The following LRRTM4 variants were observed in gnomAD, a reference collection of about 807,000 sequenced individuals.
LRRTM4 encodes leucine rich repeat transmembrane neuronal 4, also known as leucine-rich repeat transmembrane neuronal protein 4.
In LRRTM4, 25 loss-of-function variants were observed where a neutral mutation model predicts 47.6. That is an observed-to-expected ratio of 0.53 (90% confidence interval 0.38 to 0.73). The LOEUF (loss-of-function observed/expected upper bound fraction) is 0.73, where lower values mean the gene tolerates loss of function less well. Ranked by LOEUF, LRRTM4 falls within the 30% of genes least tolerant of loss-of-function variation. The probability of loss-of-function intolerance (pLI) is 0.00; values close to 1 mark genes in which losing one functional copy is unlikely to be tolerated. For synonymous variants in LRRTM4, 311 were observed against 269.5 expected (o/e 1.15, Z -1.51); for missense variants, 638 against 713.4 (o/e 0.89, Z 1.20).
chr2:77,360,616 A>T (rs1453000841), intron 3 of LRRTM4, among the ~76,000 whole-genome samples: 1 of 152,096 alleles, frequency 6.6e-6, no homozygotes, highest in Non-Finnish European at 1.5e-5. Context: ...ATTTGTGGAT[A>T]ATGAACTAGC....
chr2:76,866,691 AG>A (rs1672478650), intron 3 of LRRTM4, among the ~76,000 whole-genome samples: 1 of 152,184 alleles, frequency 6.6e-6, no homozygotes, highest in Non-Finnish European at 1.5e-5. Context: ...CTGAAAAACA[AG>A]CATTAGGTTT....
At chr2:76,937,961 G>A (rs1675014538) in intron 3 of LRRTM4, among the ~76,000 whole-genome samples, 1 of 151,942 alleles carries the variant, frequency 6.6e-6, no homozygotes, top group East Asian at 1.9e-4. Context: ...AGGAGCTAAG[G>A]GGAATATAAT....
chr2:77,083,994 A>T (rs761606705), intron 3 of LRRTM4, among the ~76,000 whole-genome samples: 10 of 150,888 alleles, frequency 6.6e-5, no homozygotes, highest in Non-Finnish European at 1.3e-4. Context: ...TTTAGTAGAG[A>T]CGGGGTTTCA....
At chr2:77,178,373 G>A (rs554614677) in intron 3 of LRRTM4, among the ~76,000 whole-genome samples, 20 of 152,220 alleles carry the variant, frequency 1.3e-4, no homozygotes, top group African/African-American at 4.3e-4. Flanking sequence ...AGGTCACGAG[G>A]TCAGGAGTTC....
chr2:77,318,264 C>T (rs1677677843), intron 3 of LRRTM4, among the ~76,000 whole-genome samples: 1 of 152,164 alleles, frequency 6.6e-6, no homozygotes, highest in Admixed American at 6.5e-5. Context: ...CCTTGGCCTC[C>T]CAAAGTGTTG....
chr2:77,035,610 A>T (rs958098874), intron 3 of LRRTM4, among the ~76,000 whole-genome samples: 3 of 151,950 alleles, frequency 2.0e-5, no homozygotes, highest in Non-Finnish European at 4.4e-5. Flanking sequence ...TTGTTATTTC[A>T]ATAATTTTAT....
chr2:77,511,948 T>C (rs1679029443), intron 3 of LRRTM4, among the ~76,000 whole-genome samples: 1 of 152,098 alleles, frequency 6.6e-6, no homozygotes, highest in Admixed American at 6.6e-5. Flanking sequence ...CTTTCATATA[T>C]TTTTATTTGT....
intron 3 of LRRTM4, among the ~76,000 whole-genome samples, chr2:76,770,296 C>A (rs1291613215): frequency 6.6e-6 from 1 of 152,144 alleles, no homozygotes; most frequent in Non-Finnish European, 1.5e-5. Context: ...AATATTAGCT[C>A]CTTCGGTAAA....
At chr2:76,811,112 C>T (rs1243018765) in intron 3 of LRRTM4, among the ~76,000 whole-genome samples, 1 of 152,124 alleles carries the variant, frequency 6.6e-6, no homozygotes, top group Non-Finnish European at 1.5e-5. Flanking sequence ...CTTTAGCCTC[C>T]TCCTTACCTT....
chr2:76,999,777 A>G (rs1677347706), intron 3 of LRRTM4, among the ~76,000 whole-genome samples: 1 of 152,044 alleles, frequency 6.6e-6, no homozygotes, highest in South Asian at 2.1e-4. Flanking sequence ...GTCTGTACCT[A>G]TTTTCCACTT....
intron 3 of LRRTM4, among the ~76,000 whole-genome samples, chr2:76,782,417 C>G (rs1674449050): frequency 6.6e-6 from 1 of 152,080 alleles, no homozygotes; most frequent in Non-Finnish European, 1.5e-5. Flanking sequence ...TTTGGGGTCC[C>G]ATGATGTTAT....
chr2:77,490,974 A>G (rs1354768591), intron 3 of LRRTM4, among the ~76,000 whole-genome samples: 1 of 152,160 alleles, frequency 6.6e-6, no homozygotes, highest in Non-Finnish European at 1.5e-5. Flanking sequence ...TTCATATAAT[A>G]AGGTAAAACT....
At chr2:77,130,553 C>A (rs1488727966) in intron 3 of LRRTM4, among the ~76,000 whole-genome samples, 1 of 151,774 alleles carries the variant, frequency 6.6e-6, no homozygotes, top group African/African-American at 2.4e-5. Flanking sequence ...GCTCTGTTGC[C>A]CAGGCTGGAG....
chr2:77,079,691 C>T (rs139352461), intron 3 of LRRTM4, among the ~76,000 whole-genome samples: 191 of 152,226 alleles, frequency 1.3e-3, no homozygotes, highest in African/African-American at 4.5e-3. Flanking sequence ...AAAAGGTATT[C>T]TGATTCCTGA....
intron 3 of LRRTM4, among the ~76,000 whole-genome samples, chr2:76,877,310 C>CA (rs920186651): frequency 2.0e-4 from 30 of 152,062 alleles, no homozygotes; most frequent in African/African-American, 7.2e-4. Flanking sequence ...AATTTAAAAA[C>CA]AAGAGTATAT....
intron 3 of LRRTM4, among the ~76,000 whole-genome samples, chr2:77,477,917 AAGAAAG>A (rs1180734971): frequency 1.2e-5 from 1 of 81,550 alleles, no homozygotes; most frequent in African/African-American, 4.8e-5. Context: ...GAAAGAAAGA[AAGAAAG>A]AAAGAAAGAA....
chr2:77,345,880 A>T (rs1671542631), intron 3 of LRRTM4, among the ~76,000 whole-genome samples: 1 of 151,750 alleles, frequency 6.6e-6, no homozygotes, highest in African/African-American at 2.4e-5. Context: ...TCAAAGAAAA[A>T]ATATATATAT....
chr2:77,189,842 TATATAC>T, intron 3 of LRRTM4, among the ~76,000 whole-genome samples: 1 of 152,218 alleles, frequency 6.6e-6, no homozygotes, highest in Middle Eastern at 3.4e-3. Context: ...TACTTATAAC[TATATAC>T]ATAAACAATA....
chr2:77,403,626 A>C (rs1674052104), intron 3 of LRRTM4, among the ~76,000 whole-genome samples: 1 of 151,848 alleles, frequency 6.6e-6, no homozygotes, highest in East Asian at 1.9e-4. Context: ...CTAACTTCTC[A>C]GCATTGGGGC....
Sources: gnomAD v4.1 joint callset for allele counts (sites outside exome capture counted in the v4.1 genomes callset) on GRCh38, gnomAD v4.1.1 for gene constraint, MANE v1.5 for transcripts, NCBI Gene and HGNC (gene_info 2026-07-23, HGNC 2026-07-21) for gene names.